Variants in TRPC4 observed in about 807,000 individuals in gnomAD.
The protein encoded by TRPC4 is transient receptor potential cation channel subfamily C member 4.
TRPC4 carries 49 observed loss-of-function variants against 99.4 expected under a neutral mutation model. The observed-to-expected ratio is 0.49, with a 90% CI of 0.39 to 0.63. The LOEUF is 0.63. Among genes scored for constraint, TRPC4 ranks in the 20% least tolerant of loss-of-function variants. The probability of loss-of-function intolerance (pLI) is 0.00; values close to 1 mark genes in which losing one functional copy is unlikely to be tolerated. For synonymous variants in TRPC4, 454 were observed against 425.9 expected (o/e 1.07, Z -0.81); for missense variants, 898 against 1,152.9 (o/e 0.78, Z 3.20).
chr13:37,651,303 T>C lies in TRPC4; in HGVS notation c.2041A>G (p.Lys681Glu), dbSNP rs912670987. The C allele has an allele frequency of 6.2e-7, 1 of 1,614,176 alleles. No individual in the cohort carries two copies. Among genetic ancestry groups the C allele is most frequent in the Non-Finnish European group, 8.5e-7 (1 of 1,179,992 alleles). Residue 681 changes from lysine (K) to glutamate (E), a missense_variant, in exon 8 of 11, where the codon AAG becomes GAG. By Grantham distance (56) the Lys-to-Glu change is moderately conservative (BLOSUM62 1). Around this residue, in one of 3 missense-constraint regions of TRPC4, gnomAD observed 346 missense variants for 351.4 expected, o/e 0.98. Coordinates refer to ENST00000379705, the MANE Select transcript of TRPC4 (RefSeq NM_016179.4). ...AAACTTTCTGGCTTTCTTCTCATCT[T>C]TTTCTTGCACAAGTGTGTCCAGATC... is the stretch of plus-strand genomic sequence containing the variant. ...KWIWTHLCKK[K>E]MRRKPESFGT...
chr13:37,760,392 T>C (rs773190156), intron 2 of TRPC4, among the ~76,000 whole-genome samples: 2 of 152,000 alleles, frequency 1.3e-5, no homozygotes, highest in Non-Finnish European at 2.9e-5. Context: ...TAACGTCCTT[T>C]TGTAAAATTG....
chr13:37,786,428 C>T (rs1956973291), intron 1 of TRPC4, among the ~76,000 whole-genome samples: 1 of 151,724 alleles, frequency 6.6e-6, no homozygotes, highest in Admixed American at 6.6e-5. Context: ...AGCACATGGG[C>T]TTGTCCTTGA....
At chr13:37,780,029 C>A (rs990330316) in intron 2 of TRPC4, among the ~76,000 whole-genome samples, 1 of 151,962 alleles carries the variant, frequency 6.6e-6, no homozygotes, top group Non-Finnish European at 1.5e-5. Context: ...TATTCACAAT[C>A]GGACCTTAGG....
At chr13:37,777,933 T>C (rs1566163950) in intron 2 of TRPC4, among the ~76,000 whole-genome samples, 1 of 152,050 alleles carries the variant, frequency 6.6e-6, no homozygotes, top group Non-Finnish European at 1.5e-5. Flanking sequence ...CTCTGTGCTC[T>C]TTCCCAGCAC....
At chr13:37,782,471 G>T (rs1956865665) in intron 2 of TRPC4, among the ~76,000 whole-genome samples, 1 of 151,964 alleles carries the variant, frequency 6.6e-6, no homozygotes, top group South Asian at 2.1e-4. Flanking sequence ...TTTGTTAAAG[G>T]ATAATATCAA....
At chr13:37,647,446 G>A (rs898143138) in intron 8 of TRPC4, among the ~76,000 whole-genome samples, 7 of 152,156 alleles carry the variant, frequency 4.6e-5, no homozygotes, top group Non-Finnish European at 7.3e-5. Context: ...ACAATGATAG[G>A]ATCTGCAAAG....
chr13:37,839,815 A>G (rs527237552), intron 1 of TRPC4, among the ~76,000 whole-genome samples: 1 of 152,298 alleles, frequency 6.6e-6, no homozygotes, highest in South Asian at 2.1e-4. Context: ...CAGACAAGTC[A>G]AATGAAAGAC....
At chr13:37,830,237 C>A (rs1257609792) in intron 1 of TRPC4, among the ~76,000 whole-genome samples, 1 of 151,820 alleles carries the variant, frequency 6.6e-6, no homozygotes, top group Non-Finnish European at 1.5e-5. Context: ...GTAAAATTTC[C>A]CTCCAGCTGG....
chr13:37,828,496 A>G (rs531374928), intron 1 of TRPC4, among the ~76,000 whole-genome samples: 98 of 152,214 alleles, frequency 6.4e-4, no homozygotes, highest in Non-Finnish European at 9.8e-4. Context: ...ATACACCCAA[A>G]GGAATATAAA....
chr13:37,704,411 G>A (rs1954200493), intron 3 of TRPC4, among the ~76,000 whole-genome samples: 1 of 152,160 alleles, frequency 6.6e-6, no homozygotes, highest in African/African-American at 2.4e-5. Context: ...GTCTGGCTGA[G>A]CATGGTGGCT....
chr13:37,636,777 A>ACCTGTC lies in TRPC4; in HGVS notation c.*125_*126insGACAGG, dbSNP rs142677581. 7.6e-7 allele frequency: 1 copy of ACCTGTC among 1,324,274 alleles called. No individual in the cohort carries two copies. Among genetic ancestry groups the ACCTGTC allele is most frequent in the African/African-American group, 1.5e-5 (1 of 67,738 alleles). 82.0% of individuals were successfully genotyped at this position (1,324,274 alleles called of 1,614,324 possible). On this transcript the variant is annotated 3_prime_UTR_variant, in exon 11 of 11. Transcript: ENST00000379705. ...CTTATTTAAACATGTTACAGGTAAT[A>ACCTGTC]TGCCACAGCTGATAAACGCTATAAA... is the stretch of plus-strand genomic sequence containing the variant.
intron 1 of TRPC4, among the ~76,000 whole-genome samples, chr13:37,856,665 T>A (rs961407355): frequency 6.6e-6 from 1 of 151,628 alleles, no homozygotes. Flanking sequence ...AAATGATACA[T>A]TAGAAAGGTC....
At chr13:37,673,209 C>A (rs1952922008) in intron 5 of TRPC4, among the ~76,000 whole-genome samples, 1 of 150,804 alleles carries the variant, frequency 6.6e-6, no homozygotes, top group Non-Finnish European at 1.5e-5. Context: ...GGTTTTCTGT[C>A]CTTGCAATAG....
intron 1 of TRPC4, among the ~76,000 whole-genome samples, chr13:37,810,617 T>A (rs952998397): frequency 1.4e-4 from 21 of 152,212 alleles, no homozygotes; most frequent in Admixed American, 1.4e-3. Context: ...AATCTTGAAC[T>A]GTGAAGTTAG....
intron 1 of TRPC4, among the ~76,000 whole-genome samples, chr13:37,862,466 T>TA (rs1959424224): frequency 2.6e-5 from 4 of 151,724 alleles, no homozygotes; most frequent in Admixed American, 2.6e-4. Context: ...GTCCTACTCT[T>TA]ACGGAAAACA....
chr13:37,729,277 G>C (rs1955167098), intron 3 of TRPC4, among the ~76,000 whole-genome samples: 1 of 152,032 alleles, frequency 6.6e-6, no homozygotes, highest in African/African-American at 2.4e-5. Context: ...ACTACAATGA[G>C]ATGCACCCTC....
At chr13:37,706,866 A>G (rs1012768404) in intron 3 of TRPC4, among the ~76,000 whole-genome samples, 2 of 152,180 alleles carry the variant, frequency 1.3e-5, no homozygotes, top group Non-Finnish European at 2.9e-5. Context: ...TTTTTATTCT[A>G]CAGGAACTGA....
chr13:37,862,238 C>T (rs1450983951), intron 1 of TRPC4, among the ~76,000 whole-genome samples: 1 of 151,348 alleles, frequency 6.6e-6, no homozygotes, highest in Non-Finnish European at 1.5e-5. Context: ...TATAAAAGTG[C>T]CTTCTTAGGT....
At chr13:37,779,206 A>T (rs771577356) in intron 2 of TRPC4, among the ~76,000 whole-genome samples, 8 of 152,126 alleles carry the variant, frequency 5.3e-5, no homozygotes, top group Non-Finnish European at 1.0e-4. Context: ...TGCTAAAAAT[A>T]ATGAAAAGTC....
Sources: allele counts gnomAD v4.1 joint callset (sites outside exome capture counted in the v4.1 genomes callset), GRCh38; gene constraint gnomAD v4.1.1; regional missense constraint gnomAD v4.1.1; transcripts MANE v1.5; gene names NCBI Gene and HGNC (gene_info 2026-07-23, HGNC 2026-07-21).